GRID1: variants seen among roughly 807,000 people sequenced by gnomAD.
GRID1 encodes glutamate ionotropic receptor delta type subunit 1, also known as glutamate receptor ionotropic, delta-1.
Under a neutral mutation model 98.0 loss-of-function variants are expected in GRID1, and 28 were observed. The ratio of observed to expected loss-of-function variants is 0.29; its 90% CI spans 0.21 to 0.39. The LOEUF (loss-of-function observed/expected upper bound fraction) is 0.39. Among genes scored for constraint, GRID1 ranks in the 10% least tolerant of loss-of-function variants. The pLI is 1.00. For synonymous variants in GRID1, 553 were observed against 538.5 expected (o/e 1.03, Z -0.37); for missense variants, 1,111 against 1,340.5 (o/e 0.83, Z 2.67).
intron 2 of GRID1, among the ~76,000 whole-genome samples, chr10:86,360,322 A>G (rs946996608): frequency 6.6e-6 from 1 of 152,272 alleles, no homozygotes; most frequent in Non-Finnish European, 1.5e-5. Context: ...CTCAAAATGT[A>G]TAAAATACAG....
chr10:86,015,655 G>T (rs1029844862), intron 4 of GRID1, among the ~76,000 whole-genome samples: 2 of 152,300 alleles, frequency 1.3e-5, no homozygotes, highest in East Asian at 3.9e-4. Context: ...GGATCCAACT[G>T]CTCTGGGGCC....
intron 13 of GRID1, among the ~76,000 whole-genome samples, chr10:85,632,874 C>T (rs2132536716): frequency 6.6e-6 from 1 of 152,264 alleles, no homozygotes; most frequent in East Asian, 1.9e-4. Flanking sequence ...ATTCTGATGC[C>T]ATCCCTCCAT....
At chr10:85,998,583 G>A (rs1482914066) in intron 4 of GRID1, among the ~76,000 whole-genome samples, 1 of 151,938 alleles carries the variant, frequency 6.6e-6, no homozygotes, top group Non-Finnish European at 1.5e-5. Context: ...TATCTTAAGA[G>A]ACTATAAAAA....
chr10:85,951,945 T>C (rs1842131161), intron 4 of GRID1, among the ~76,000 whole-genome samples: 1 of 152,214 alleles, frequency 6.6e-6, no homozygotes, highest in Non-Finnish European at 1.5e-5. Context: ...CATACCATCC[T>C]CCATCCCATC....
At chr10:85,662,030 G>T (rs1840970539) in intron 12 of GRID1, among the ~76,000 whole-genome samples, 1 of 152,160 alleles carries the variant, frequency 6.6e-6, no homozygotes, top group Non-Finnish European at 1.5e-5. Context: ...TGTTCACAGG[G>T]CATCCAGGCC....
intron 12 of GRID1, among the ~76,000 whole-genome samples, chr10:85,691,519 C>T (rs1174937861): frequency 6.6e-6 from 1 of 152,180 alleles, no homozygotes. Flanking sequence ...AGACCACTCA[C>T]ACTGCATGAT....
At chr10:86,135,041 G>C (rs1844900145) in intron 4 of GRID1, among the ~76,000 whole-genome samples, 1 of 152,230 alleles carries the variant, frequency 6.6e-6, no homozygotes. Context: ...ATGAGCAGAA[G>C]AGAGAAAGCT....
intron 15 of GRID1, among the ~76,000 whole-genome samples, chr10:85,603,715 G>C (rs529283238): frequency 6.6e-6 from 1 of 152,290 alleles, no homozygotes; most frequent in African/African-American, 2.4e-5. Flanking sequence ...TGAGGTTGAG[G>C]CTGCAGGGAC....
intron 2 of GRID1, among the ~76,000 whole-genome samples, chr10:86,345,174 T>G (rs1848364620): frequency 6.6e-6 from 1 of 152,214 alleles, no homozygotes; most frequent in Non-Finnish European, 1.5e-5. Flanking sequence ...ATGAGACATC[T>G]TCATCTTCAT....
intron 8 of GRID1, among the ~76,000 whole-genome samples, chr10:85,822,391 A>G (rs1842781029): frequency 6.6e-6 from 1 of 152,216 alleles, no homozygotes; most frequent in Non-Finnish European, 1.5e-5. Flanking sequence ...ATGAACAGAC[A>G]CTTCTCAAAA....
At chr10:86,274,539 A>G (rs1442320322) in intron 2 of GRID1, among the ~76,000 whole-genome samples, 2 of 152,190 alleles carry the variant, frequency 1.3e-5, no homozygotes, top group Admixed American at 6.5e-5. Context: ...CTTCCTACCC[A>G]TGAGCATGGA....
At chr10:85,605,464 G>A (rs1362617815) in intron 15 of GRID1, 1 of 152,204 alleles carries the variant, frequency 6.6e-6, no homozygotes, top group East Asian at 1.9e-4. Flanking sequence ...TTCCACGGAA[G>A]GGAAACTGAT....
At chr10:85,778,125 G>A (rs544975103) in intron 8 of GRID1, among the ~76,000 whole-genome samples, 1 of 152,256 alleles carries the variant, frequency 6.6e-6, no homozygotes, top group Admixed American at 6.5e-5. Context: ...CTACATGGAC[G>A]AGAAAAGGGG....
chr10:85,801,907 A>G (rs1345572702), intron 8 of GRID1, among the ~76,000 whole-genome samples: 1 of 152,044 alleles, frequency 6.6e-6, no homozygotes, highest in East Asian at 1.9e-4. Flanking sequence ...GAGAAAAACT[A>G]TTAGCTATAA....
intron 2 of GRID1, among the ~76,000 whole-genome samples, chr10:86,209,184 C>T (rs562480780): frequency 1.3e-5 from 2 of 152,236 alleles, no homozygotes; most frequent in South Asian, 4.1e-4. Context: ...TTAGAAGAAA[C>T]CTGAAAGTGG....
chr10:85,968,450 CA>C (rs56938729), intron 4 of GRID1, among the ~76,000 whole-genome samples: 6,534 of 102,258 alleles, frequency 0.064, 148 homozygotes, highest in Middle Eastern at 0.097. Context: ...GACTCTGTCT[CA>C]AAAAAAAAAA....
intron 8 of GRID1, among the ~76,000 whole-genome samples, chr10:85,752,152 C>T (rs1402525630): frequency 6.6e-6 from 1 of 152,160 alleles, no homozygotes; most frequent in African/African-American, 2.4e-5. Context: ...AAAGCACATA[C>T]AATCTCAGCT....
intron 13 of GRID1, among the ~76,000 whole-genome samples, chr10:85,629,277 G>A (rs922881269): frequency 1.3e-5 from 2 of 152,116 alleles, no homozygotes; most frequent in Non-Finnish European, 2.9e-5. Context: ...CAGTTTTGTT[G>A]CATGGATGTA....
At chr10:86,027,124 T>C (rs1183674527) in intron 4 of GRID1, among the ~76,000 whole-genome samples, 1 of 152,250 alleles carries the variant, frequency 6.6e-6, no homozygotes. Flanking sequence ...ATACATGACA[T>C]AAAATCCACA....
Sources: gnomAD v4.1 joint callset for allele counts (sites outside exome capture counted in the v4.1 genomes callset) on GRCh38, gnomAD v4.1.1 for gene constraint, MANE v1.5 for transcripts, NCBI Gene and HGNC (gene_info 2026-07-23, HGNC 2026-07-21) for gene names.